The following CNTNAP2 variants were observed in gnomAD, a reference collection of about 807,000 sequenced individuals.
CNTNAP2 encodes contactin-associated protein-like 2.
Under a neutral mutation model 155.2 loss-of-function variants are expected in CNTNAP2, and 98 were observed. The observed-to-expected ratio is 0.63, with a 90% confidence interval of 0.54 to 0.75. CNTNAP2 has a LOEUF of 0.75. Among genes scored for constraint, CNTNAP2 ranks in the 30% least tolerant of loss-of-function variants. The pLI, the probability that CNTNAP2 is intolerant of heterozygous loss-of-function variation, is 0.00. For synonymous variants in CNTNAP2, 651 were observed against 631.2 expected, an observed-to-expected ratio of 1.03 and a Z score of -0.47; for missense variants, 1,727 against 1,688.1, an observed-to-expected ratio of 1.02 and a Z score of -0.40.
Position 146,240,359 on chromosome 7 carries a change from G to A in CNTNAP2, c.97+123386G>A, listed in dbSNP as rs138014920. Reference sequence around the variant, plus strand: ...ATCAAATGAACTATAAGTCATATATGAATAAATAAATGCTAGGTCTAATAT... The same window carrying A: ...ATCAAATGAACTATAAGTCATATATAAATAAATAAATGCTAGGTCTAATAT... On this transcript the variant is annotated intron_variant, in intron 1 of 23. Coordinates refer to ENST00000361727, the MANE Select transcript of CNTNAP2 (RefSeq NM_014141.6). Among the ~76,000 whole-genome samples, 19 of 152,034 alleles carry A rather than the reference G, an allele frequency of 1.2e-4. No homozygotes were observed. In the East Asian group the frequency reaches 3.7e-3, roughly 29 times the overall value.
intron 8 of CNTNAP2, among the ~76,000 whole-genome samples, chr7:147,298,633 T>C: frequency 6.6e-6 from 1 of 152,234 alleles, no homozygotes; most frequent in East Asian, 1.9e-4. Flanking sequence ...TAGTAATGTA[T>C]GATTTTCCTA....
intron 10 of CNTNAP2, among the ~76,000 whole-genome samples, chr7:147,443,307 C>G (rs1200622587): frequency 6.6e-6 from 1 of 152,148 alleles, no homozygotes; most frequent in Non-Finnish European, 1.5e-5. Context: ...CAGGACACCA[C>G]TGAGTCCAAT....
chr7:146,580,776 G>C (rs916595732), intron 1 of CNTNAP2, among the ~76,000 whole-genome samples: 128 of 152,094 alleles, frequency 8.4e-4, no homozygotes, highest in Admixed American at 8.3e-3. Context: ...CTCAAGGTAA[G>C]CTGGATATTT....
At chr7:146,154,782 T>C (rs1403645334) in intron 1 of CNTNAP2, among the ~76,000 whole-genome samples, 2 of 152,200 alleles carry the variant, frequency 1.3e-5, no homozygotes, top group Admixed American at 1.3e-4. Context: ...TTTGAAACCT[T>C]TTGGGCTGTT....
At chr7:147,832,646 A>C (rs2116638035) in intron 13 of CNTNAP2, among the ~76,000 whole-genome samples, 1 of 146,106 alleles carries the variant, frequency 6.8e-6, no homozygotes, top group South Asian at 2.1e-4. Flanking sequence ...CAATATATAA[A>C]ATTATATTTC....
At chr7:148,324,625 C>G (rs1472509413) in intron 21 of CNTNAP2, among the ~76,000 whole-genome samples, 3 of 151,950 alleles carry the variant, frequency 2.0e-5, no homozygotes, top group African/African-American at 7.3e-5. Flanking sequence ...TGGCAAAACC[C>G]CATCTCTATT....
In CNTNAP2 at chr7:146,343,487, C is replaced by T. The variant is rs538042694; in HGVS notation, c.97+226514C>T. 3.5e-4 allele frequency among the ~76,000 whole-genome samples: 53 copies of T among 152,138 alleles called. No individual in the cohort carries two copies. The South Asian group carries it at 0.01, about 30-fold the overall frequency. On this transcript the variant is annotated intron_variant, in intron 1 of 23. Transcript: ENST00000361727. Reference sequence around the variant, plus strand: ...TACAGTAAAAATAACCACACTCATGCGTTAGAATCATCTGTGCAAACTAAA... The same window carrying T: ...TACAGTAAAAATAACCACACTCATGTGTTAGAATCATCTGTGCAAACTAAA...
At chr7:146,394,981 G>A (rs1184519683) in intron 1 of CNTNAP2, among the ~76,000 whole-genome samples, 1 of 152,154 alleles carries the variant, frequency 6.6e-6, no homozygotes, top group Admixed American at 6.6e-5. Flanking sequence ...ATAAGTGAGA[G>A]CATGTGGTAT....
intron 1 of CNTNAP2, among the ~76,000 whole-genome samples, chr7:146,684,033 C>T (rs764592077): frequency 4.6e-5 from 7 of 152,138 alleles, no homozygotes; most frequent in Non-Finnish European, 7.4e-5. Flanking sequence ...TTGACAAGCC[C>T]GTCTCTTGGG....
chr7:147,487,258 A>C (rs1798525941), intron 11 of CNTNAP2, among the ~76,000 whole-genome samples: 1 of 152,192 alleles, frequency 6.6e-6, no homozygotes, highest in Non-Finnish European at 1.5e-5. Context: ...TAACAATAGA[A>C]AGATGTCAAG....
Position 148,108,818 on chromosome 7 carries a change from A to G in CNTNAP2, c.2384-9300A>G, listed in dbSNP as rs150833633. On this transcript the variant is annotated intron_variant, in intron 15 of 23. Transcript: ENST00000361727. ...AGAATATGTATATTTCACAATTGCT[A>G]AGGATGAATTTCAAATGTTCTTATC... Among the ~76,000 whole-genome samples the G allele has an allele frequency of 3.8e-3, 580 of 152,316 alleles. 3 individuals carry two copies. Among genetic ancestry groups the G allele is most frequent in the Non-Finnish European group, 6.0e-3 (407 of 68,032 alleles).
At chr7:146,442,963 T>C (rs1796341662) in intron 1 of CNTNAP2, among the ~76,000 whole-genome samples, 1 of 151,984 alleles carries the variant, frequency 6.6e-6, no homozygotes, top group African/African-American at 2.4e-5. Context: ...TCCCAGCACT[T>C]TGGGAGGCCG....
intron 13 of CNTNAP2, among the ~76,000 whole-genome samples, chr7:147,774,858 T>G (rs971655245): frequency 6.6e-6 from 1 of 152,110 alleles, no homozygotes. Context: ...AACCTAAGTC[T>G]CTTACTTAAA....
chr7:148,200,461 C>G (rs913687075), intron 18 of CNTNAP2, among the ~76,000 whole-genome samples: 3 of 151,218 alleles, frequency 2.0e-5, no homozygotes, highest in Non-Finnish European at 4.4e-5. Flanking sequence ...GTGGCACAAT[C>G]ATGGCTCACT....
intron 14 of CNTNAP2, among the ~76,000 whole-genome samples, chr7:147,945,786 T>A (rs1800810088): frequency 6.6e-6 from 1 of 151,550 alleles, no homozygotes; most frequent in African/African-American, 2.4e-5. Context: ...TTCTTTCACC[T>A]AGGTGCCTTG....
chr7:148,218,138 A>G (rs1795679923), intron 19 of CNTNAP2, among the ~76,000 whole-genome samples: 1 of 152,260 alleles, frequency 6.6e-6, no homozygotes, highest in Non-Finnish European at 1.5e-5. Context: ...AAGAAAAAAA[A>G]GACTAATAAG....
chr7:146,403,666 A>G (rs1212058308), intron 1 of CNTNAP2, among the ~76,000 whole-genome samples: 1 of 152,196 alleles, frequency 6.6e-6, no homozygotes, highest in African/African-American at 2.4e-5. Flanking sequence ...CCTTCACATA[A>G]TAAGAGCCCA....
chr7:147,927,885 C>T (rs1041172898), intron 14 of CNTNAP2, among the ~76,000 whole-genome samples: 9 of 152,070 alleles, frequency 5.9e-5, no homozygotes, highest in African/African-American at 9.7e-5. Context: ...GACTACCTAC[C>T]GATTATCAAT....
chr7:146,818,090 G>T (rs1783294132), intron 2 of CNTNAP2, among the ~76,000 whole-genome samples: 1 of 151,990 alleles, frequency 6.6e-6, no homozygotes, highest in South Asian at 2.1e-4. Flanking sequence ...TTCCTCATTT[G>T]TTTATAGTGT....
Sources: gnomAD v4.1 joint callset for allele counts (sites outside exome capture counted in the v4.1 genomes callset) on GRCh38, gnomAD v4.1.1 for gene constraint, MANE v1.5 for transcripts, NCBI Gene and HGNC (gene_info 2026-07-23, HGNC 2026-07-21) for gene names.